TDRKH: variants seen among roughly 807,000 people sequenced by gnomAD.
TDRKH encodes the protein tudor and KH domain containing.
TDRKH carries 28 observed loss-of-function variants against 61.3 expected under a neutral mutation model. That is an observed-to-expected ratio of 0.46 (90% CI 0.34 to 0.63). The LOEUF is 0.63. TDRKH is among the 20% of genes least tolerant of loss of function. The pLI, the probability that TDRKH is intolerant of heterozygous loss-of-function variation, is 0.01. For missense variants in TDRKH, 540 were observed against 683.4 expected (o/e 0.79, Z 2.34); for synonymous variants, 219 against 244.4 (o/e 0.90, Z 0.97).
chr1:151,770,383 T>C, downstream of TDRKH: 1 of 1,345,998 alleles, frequency 7.4e-7, no homozygotes. Context: ...GATTCTTTTC[T>C]TCCCACCTAC....
chr1:151,774,513 GAT>G lies in TDRKH; in HGVS notation c.1634-11_1634-10del, dbSNP rs751893705. On this transcript the variant is annotated splice_polypyrimidine_tract_variant and intron_variant, in intron 12 of 12. Transcript: ENST00000368824. ...AGACATGGAAGCAGCTTCTATTGAA[GAT>G]AAATAAGAAGGAGAAAGTTAGACAC... 1 of 1,614,080 alleles carries G rather than the reference GAT, an allele frequency of 6.2e-7. No homozygotes were observed. The highest frequency in any genetic ancestry group is 1.1e-5 in the South Asian group (1 of 91,078).
chr1:151,768,393 A>C, downstream of TDRKH: 1 of 1,065,036 alleles, frequency 9.4e-7, no homozygotes. Flanking sequence ...CTGGGGTTCA[A>C]GGGATAAGAG....
downstream of TDRKH, chr1:151,771,184 AG>A (rs1423377323): frequency 6.2e-7 from 1 of 1,613,818 alleles, no homozygotes; most frequent in South Asian, 1.1e-5. Context: ...TCCCCTTGAA[AG>A]GGATGTTGGC....
Position 151,789,154 on chromosome 1 carries a change from C to A in TDRKH, c.-28+1226G>T, listed in dbSNP as rs1278264908. On this transcript the variant is annotated intron_variant, in intron 1 of 12. Transcript: ENST00000368824. ...GCCTTGAACTCCCGCAGTCGTCCGG[C>A]GTAGCTGAGATTATAGGTGCGGTTT... 1.8e-4 allele frequency among the ~76,000 whole-genome samples: 27 copies of A among 152,220 alleles called. No homozygotes were observed. The South Asian group carries it at 5.6e-3, about 32-fold the overall frequency.
Position 151,780,045 on chromosome 1 carries a change from G to A in TDRKH, c.327C>T (p.Cys109=), listed in dbSNP as rs1396300605. Residue 109 remains cysteine (C), a synonymous_variant, in exon 4 of 13, where the codon TGC becomes TGT. Coordinates refer to ENST00000368824, the MANE Select transcript of TDRKH (RefSeq NM_001083965.2). ...LLISGFPVQV[C]KAKAAIHQIL... Reference sequence around the variant, plus strand: ...TCTGATGGATTGCTGCTTTGGCCTTGCACACCTGAACAGGAAAACCACTGA... The same window carrying A: ...TCTGATGGATTGCTGCTTTGGCCTTACACACCTGAACAGGAAAACCACTGA... 6.2e-7 allele frequency: 1 copy of A among 1,614,182 alleles called. No homozygotes were observed.
chr1:151,769,130 G>C (rs1411569625), downstream of TDRKH, among the ~76,000 whole-genome samples: 1 of 151,592 alleles, frequency 6.6e-6, no homozygotes, highest in African/African-American at 2.4e-5. Flanking sequence ...TTTTCTATTC[G>C]ACAAAACCGC....
chr1:151,776,237 A>G lies in TDRKH; in HGVS notation c.1076T>C (p.Ile359Thr). ...PEDLTVHVGDIVAAPLPTNGS... is the reference protein window; with the variant it reads ...PEDLTVHVGDTVAAPLPTNGS... ...ATTTGTAGGTAAAGGTGCTGCTACAATGTCTCCTACATGCACAGTCAAGTC... is the reference window on the plus strand; with the variant it reads ...ATTTGTAGGTAAAGGTGCTGCTACAGTGTCTCCTACATGCACAGTCAAGTC... The change falls in exon 8 of 13, where the codon ATT (isoleucine) becomes ACT (threonine). Residue 359 changes from isoleucine to threonine, a missense_variant. By Grantham distance (89) the Ile-to-Thr change is moderately conservative. Transcript: ENST00000368824. The G allele has an allele frequency of 4.3e-6, 7 of 1,614,120 alleles. No individual in the cohort carries two copies. Among genetic ancestry groups the G allele is most frequent in the Non-Finnish European group, 5.9e-6 (7 of 1,179,996 alleles).
intron 6 of TDRKH, among the ~76,000 whole-genome samples, chr1:151,778,207 G>C (rs1397396782): frequency 6.6e-6 from 1 of 152,128 alleles, no homozygotes; most frequent in African/African-American, 2.4e-5. Flanking sequence ...CCTACTCAGA[G>C]GGTACCCAGA....
At chr1:151,784,035 C>T (rs942545607) in intron 1 of TDRKH, among the ~76,000 whole-genome samples, 11 of 152,214 alleles carry the variant, frequency 7.2e-5, no homozygotes, top group Non-Finnish European at 1.5e-4. Context: ...TCCACTCAAA[C>T]GTCTCGTGCT....
At chr1:151,776,310 G>T (rs368881728) in intron 7 of TDRKH, 42 bp from the exon 8 acceptor site, 71 of 1,604,122 alleles carry the variant, frequency 4.4e-5, no homozygotes, top group Non-Finnish European at 5.7e-5. Flanking sequence ...GTTACAAAGT[G>T]GTAGGCTCAT....
At chr1:151,771,383 G>A, downstream of TDRKH, 4 of 1,384,536 alleles carry the variant, frequency 2.9e-6, no homozygotes, top group African/African-American at 3.1e-5. Context: ...ACTGGAGTGG[G>A]ATATACACCT....
At chr1:151,767,130 A>G (rs201361549), downstream of TDRKH, 2 of 1,612,334 alleles carry the variant, frequency 1.2e-6, no homozygotes, top group Non-Finnish European at 8.5e-7. Flanking sequence ...TCAGATTCCA[A>G]GATAAACTAA....
chr1:151,771,296 A>G (rs754590139), downstream of TDRKH: 9 of 1,563,144 alleles, frequency 5.8e-6, no homozygotes, highest in South Asian at 1.1e-4. Flanking sequence ...GATTCAGGAC[A>G]CTTTCCATCC....
chr1:151,777,719 ATT>A (rs35582886), intron 6 of TDRKH, among the ~76,000 whole-genome samples: 9 of 129,686 alleles, frequency 6.9e-5, no homozygotes, highest in Admixed American at 8.2e-5. Flanking sequence ...AAAATAGTTA[ATT>A]TTTTTTTTTT....
At chr1:151,772,152 G>C (rs975660987), downstream of TDRKH, among the ~76,000 whole-genome samples, 6 of 152,140 alleles carry the variant, frequency 3.9e-5, no homozygotes, top group African/African-American at 7.2e-5. Flanking sequence ...CTGGAGTGGA[G>C]TGGTGCAATC....
chr1:151,785,926 C>CA (rs1176115713), intron 1 of TDRKH, among the ~76,000 whole-genome samples: 1 of 152,040 alleles, frequency 6.6e-6, no homozygotes, highest in Non-Finnish European at 1.5e-5. Flanking sequence ...TAGAACAAAG[C>CA]AAGCTGGCTT....
downstream of TDRKH, chr1:151,767,541 A>C: frequency 1.4e-6 from 1 of 727,616 alleles, no homozygotes; most frequent in Middle Eastern, 4.4e-4. Flanking sequence ...AGGTAAAACA[A>C]ACTCTGTAGG....
Position 151,775,808 on chromosome 1 carries a change from T to A in TDRKH, c.1282+12A>T, listed in dbSNP as rs768953072. ...TTGGAGGTAAGCTCAATAGATGGCA[T>A]GACCAATTTACCTGAGGGAGCAATC... On this transcript the variant is annotated intron_variant, in intron 9 of 12. Transcript: ENST00000368824. 6.2e-7 allele frequency: 1 copy of A among 1,612,832 alleles called. No individual in the cohort carries two copies. Among genetic ancestry groups the A allele is most frequent in the Non-Finnish European group, 8.5e-7 (1 of 1,178,936 alleles).
chr1:151,781,660 G>C (rs1453994701), intron 2 of TDRKH, 73 bp from the exon 3 acceptor site: 1 of 1,336,562 alleles, frequency 7.5e-7, no homozygotes, highest in Non-Finnish European at 1.1e-6. Flanking sequence ...GTCCTCCCCA[G>C]AATCTGGCTG....
Sources: allele counts gnomAD v4.1 joint callset (sites outside exome capture counted in the v4.1 genomes callset), GRCh38; gene constraint gnomAD v4.1.1; transcripts MANE v1.5; gene names NCBI Gene and HGNC (gene_info 2026-07-23, HGNC 2026-07-21).